MAD1L1: variants seen among roughly 807,000 people sequenced by gnomAD.
MAD1L1 encodes the protein mitotic arrest deficient 1 like 1.
A neutral mutation model predicts 96.9 loss-of-function variants in MAD1L1; 95 were observed. The ratio of observed to expected loss-of-function variants is 0.98; its 90% CI spans 0.83 to 1.16. The LOEUF (loss-of-function observed/expected upper bound fraction) is 1.16, where lower values mean the gene tolerates loss of function less well. Ranked by LOEUF, MAD1L1 falls within the 50% of genes most tolerant of loss-of-function variation. MAD1L1 has a pLI of 0.00. For synonymous variants in MAD1L1, 473 were observed against 396.6 expected, an observed-to-expected ratio of 1.19 and a Z score of -2.29; for missense variants, 1,007 against 954.4, an observed-to-expected ratio of 1.06 and a Z score of -0.73.
chr7:2,109,099 C>T lies in MAD1L1; in HGVS notation c.1074-39761G>A, dbSNP rs964713378. ...TGCTCACCCTCAGCTCTGGGTCCTC[C>T]GCACCCACTTCGGATTCCCATCAGA... On this transcript the variant is annotated intron_variant, in intron 11 of 18. Coordinates refer to ENST00000265854, the MANE Select transcript of MAD1L1 (RefSeq NM_001013836.2). Among the ~76,000 whole-genome samples the T allele has an allele frequency of 3.9e-5, 6 of 152,362 alleles. No individual in the cohort carries two copies. In the East Asian group the frequency reaches 9.7e-4, roughly 25 times the overall value.
At chr7:2,148,821 A>C (rs550936069) in intron 11 of MAD1L1, among the ~76,000 whole-genome samples, 2 of 152,288 alleles carry the variant, frequency 1.3e-5, no homozygotes, top group East Asian at 3.9e-4. Context: ...TCCCAAGACC[A>C]CATGAGGCCC....
At chr7:2,115,018 C>T (rs758162295) in intron 11 of MAD1L1, among the ~76,000 whole-genome samples, 3 of 152,226 alleles carry the variant, frequency 2.0e-5, no homozygotes, top group East Asian at 3.9e-4. Flanking sequence ...AAGAGCAGAG[C>T]GCCTGGGAGA....
chr7:1,870,560 G>A (rs1280632452), intron 18 of MAD1L1, among the ~76,000 whole-genome samples: 5 of 140,312 alleles, frequency 3.6e-5, no homozygotes, highest in Admixed American at 7.3e-5. Flanking sequence ...CACCTGCCAC[G>A]CTGAACCCAA....
At chr7:2,020,114 G>A (rs1782719210) in intron 12 of MAD1L1, among the ~76,000 whole-genome samples, 1 of 152,214 alleles carries the variant, frequency 6.6e-6, no homozygotes, top group South Asian at 2.1e-4. Flanking sequence ...GACCACGGAG[G>A]GGCAGAGCCC....
intron 10 of MAD1L1, among the ~76,000 whole-genome samples, chr7:2,209,740 A>T (rs1010592797): frequency 3.3e-5 from 5 of 152,158 alleles, no homozygotes; most frequent in African/African-American, 1.2e-4. Flanking sequence ...GCCCGAAGGC[A>T]AGCAGACGCC....
intron 18 of MAD1L1, among the ~76,000 whole-genome samples, chr7:1,841,253 C>T (rs1431860900): frequency 6.6e-6 from 1 of 152,200 alleles, no homozygotes; most frequent in Non-Finnish European, 1.5e-5. Context: ...TTGAGAATTT[C>T]GTCTCTCCAG....
intron 11 of MAD1L1, among the ~76,000 whole-genome samples, chr7:2,129,456 C>T (rs1281811453): frequency 3.9e-5 from 6 of 152,210 alleles, no homozygotes; most frequent in Non-Finnish European, 5.9e-5. Flanking sequence ...TGCTAGGCAG[C>T]GCCCCTCCTG....
At chr7:1,996,896 TCGGAAAATAAAGCTTCACTCCTCAC>T in intron 14 of MAD1L1, among the ~76,000 whole-genome samples, 1 of 94,054 alleles carries the variant, frequency 1.1e-5, no homozygotes, top group Admixed American at 1.3e-4. Context: ...TCCCTCTGAA[TCGGAAAATAAAGCTTCACTCCTCAC>T]TCCCCAAAGT....
chr7:1,955,470 T>C (rs1779685688), intron 16 of MAD1L1, among the ~76,000 whole-genome samples: 1 of 152,162 alleles, frequency 6.6e-6, no homozygotes, highest in South Asian at 2.1e-4. Context: ...TTTGTATTTT[T>C]AGTAGAGGCA....
intron 18 of MAD1L1, among the ~76,000 whole-genome samples, chr7:1,867,442 T>C (rs1293086275): frequency 6.6e-6 from 1 of 152,218 alleles, no homozygotes; most frequent in Admixed American, 6.5e-5. Flanking sequence ...AGCAGCTTCC[T>C]CTGGGGGCCG....
intron 10 of MAD1L1, among the ~76,000 whole-genome samples, chr7:2,169,653 G>A (rs193134531): frequency 4.1e-4 from 63 of 152,342 alleles, no homozygotes; most frequent in Non-Finnish European, 1.5e-4. Flanking sequence ...AACAAGCAGC[G>A]GGTCAAGGTG....
intron 11 of MAD1L1, among the ~76,000 whole-genome samples, chr7:2,112,860 T>A (rs1179703033): frequency 6.6e-6 from 1 of 150,380 alleles, no homozygotes; most frequent in Non-Finnish European, 1.5e-5. Flanking sequence ...TGCCAGATAG[T>A]TTGAAAAAAA....
rs773415180 is a variant in MAD1L1 at position 1,887,520 on chromosome 7, C to CGT, written c.1998+10678_1998+10679dup. On this transcript the variant is annotated intron_variant, in intron 18 of 18. Transcript: ENST00000265854. Reference sequence around the variant, plus strand: ...GTGTGCATGTATGTGGCTGCCTGTGCGTGTGTGTCTGCATGTGGCTGCCTG... The same window carrying CGT: ...GTGTGCATGTATGTGGCTGCCTGTGCGTGTGTGTGTCTGCATGTGGCTGCCTG... 6.6e-3 allele frequency among the ~76,000 whole-genome samples: 890 copies of CGT among 135,544 alleles called. 11 individuals are homozygous for CGT. The highest frequency in any genetic ancestry group is 0.024 in the African/African-American group (851 of 35,820). The allele number at this position is 135,544 out of a possible 152,430, so 88.9% of individuals were successfully genotyped here.
At chr7:1,977,881 C>T (rs1430133195) in intron 15 of MAD1L1, among the ~76,000 whole-genome samples, 2 of 152,254 alleles carry the variant, frequency 1.3e-5, no homozygotes, top group Non-Finnish European at 1.5e-5. Context: ...GAAACCTTCA[C>T]AGATGCTGGA....
intron 5 of MAD1L1, 45 bp from the exon 6 acceptor site, chr7:2,219,501 G>A (rs373747056): frequency 1.4e-5 from 23 of 1,597,216 alleles, no homozygotes; most frequent in Middle Eastern, 1.7e-4. Flanking sequence ...AGTGGAGCCC[G>A]TGCGTGGAAG....
chr7:2,207,007 G>A (rs1408833068), intron 10 of MAD1L1, among the ~76,000 whole-genome samples: 2 of 151,564 alleles, frequency 1.3e-5, no homozygotes, highest in East Asian at 3.9e-4. Context: ...GAACCCAGGA[G>A]GCAAAGGTTG....
At chr7:2,060,244 G>A (rs1300992904) in intron 12 of MAD1L1, among the ~76,000 whole-genome samples, 8 of 145,114 alleles carry the variant, frequency 5.5e-5, no homozygotes, top group African/African-American at 1.5e-4. Context: ...CGCCGATGCC[G>A]AGATACGCCG....
chr7:2,192,573 G>A (rs1331820151), intron 10 of MAD1L1, among the ~76,000 whole-genome samples: 1 of 152,178 alleles, frequency 6.6e-6, no homozygotes, highest in Non-Finnish European at 1.5e-5. Flanking sequence ...CGGTAAAGCA[G>A]CAAAGATGAG....
intron 12 of MAD1L1, among the ~76,000 whole-genome samples, chr7:2,060,334 A>G (rs1044027483): frequency 1.4e-5 from 2 of 144,228 alleles, no homozygotes; most frequent in East Asian, 4.1e-4. Flanking sequence ...GAGATACGCC[A>G]ATGCCAAGAT....
Sources: allele counts gnomAD v4.1 joint callset (sites outside exome capture counted in the v4.1 genomes callset), GRCh38; gene constraint gnomAD v4.1.1; transcripts MANE v1.5; gene names NCBI Gene and HGNC (gene_info 2026-07-23, HGNC 2026-07-21).